The following PLXDC2 variants were observed in gnomAD, a reference collection of about 807,000 sequenced individuals.
The protein encoded by PLXDC2 is plexin domain containing 2.
A neutral mutation model predicts 68.9 loss-of-function variants in PLXDC2; 40 were observed. That is an observed-to-expected ratio of 0.58 (90% confidence interval 0.45 to 0.76). The LOEUF is 0.76. PLXDC2 is among the 30% of genes least tolerant of loss of function. PLXDC2 has a pLI of 0.00. For synonymous variants in PLXDC2, 243 were observed against 234.2 expected (o/e 1.04, Z -0.34); for missense variants, 644 against 661.9 (o/e 0.97, Z 0.30).
At position 20,168,972 on chromosome 10, in the gene PLXDC2, CCT is replaced by C. The variant is rs576430525; in HGVS notation, c.883+4406_883+4407del. 1.3e-3 allele frequency among the ~76,000 whole-genome samples: 202 copies of C among 152,100 alleles called. 1 individual carries two copies. The highest frequency in any genetic ancestry group is 4.7e-3 in the African/African-American group (194 of 41,536). ...CATTATGCTGTAAATTATTCTGCCC[CCT>C]GTTTTCACCTTCATATATAAAACAT... On this transcript the variant is annotated intron_variant, in intron 7 of 13. Coordinates refer to ENST00000377252, the MANE Select transcript of PLXDC2 (RefSeq NM_032812.9).
At chr10:19,927,200 C>T (rs1346575501) in intron 1 of PLXDC2, among the ~76,000 whole-genome samples, 1 of 152,118 alleles carries the variant, frequency 6.6e-6, no homozygotes, top group African/African-American at 2.4e-5. Flanking sequence ...AAATCAACCC[C>T]ACCTTGTGAA....
At position 20,164,539 on chromosome 10, in the gene PLXDC2, CGTT is replaced by C; in HGVS notation, c.858_860del (p.Val287del). 1.2e-6 allele frequency: 2 copies of C among 1,613,252 alleles called. No homozygotes were observed. Among genetic ancestry groups the C allele is most frequent in the Non-Finnish European group, 1.7e-6 (2 of 1,179,484 alleles). The stretch of plus-strand genomic sequence containing the variant: ...AAGTCGGACTGTCCGATGCATTTGT[CGTT>C]GTCCACAGGATCCAACAAATTCCCA... On this transcript the variant is annotated inframe_deletion, in exon 7 of 14. Coordinates refer to ENST00000377252, the MANE Select transcript of PLXDC2 (RefSeq NM_032812.9).
chr10:19,842,584 A>G (rs1836930184), intron 1 of PLXDC2, among the ~76,000 whole-genome samples: 1 of 152,152 alleles, frequency 6.6e-6, no homozygotes, highest in African/African-American at 2.4e-5. Context: ...GTCACAGCAT[A>G]ATGAACATCT....
intron 1 of PLXDC2, among the ~76,000 whole-genome samples, chr10:19,821,330 C>A (rs1316850735): frequency 6.6e-6 from 1 of 152,130 alleles, no homozygotes; most frequent in Non-Finnish European, 1.5e-5. Context: ...TCTCTAAGTG[C>A]GTCTCCATCC....
At chr10:20,007,972 A>G (rs536735957) in intron 2 of PLXDC2, among the ~76,000 whole-genome samples, 2 of 152,370 alleles carry the variant, frequency 1.3e-5, no homozygotes, top group South Asian at 2.1e-4. Flanking sequence ...AGTACAGTCA[A>G]GAATGATCAA....
chr10:20,154,563 C>CAAAA (rs368499790), intron 6 of PLXDC2, among the ~76,000 whole-genome samples: 1 of 136,268 alleles, frequency 7.3e-6, no homozygotes, highest in Non-Finnish European at 1.6e-5. Context: ...GACTCTGTCT[C>CAAAA]AAAAAAAAAA....
chr10:20,147,770 C>T lies in PLXDC2; in HGVS notation c.665-14C>T. The T allele has an allele frequency of 6.8e-7, 1 of 1,470,116 alleles. No individual in the cohort carries two copies. Among genetic ancestry groups the T allele is most frequent in the Non-Finnish European group, 9.4e-7 (1 of 1,066,624 alleles). The allele number at this position is 1,470,116 out of a possible 1,614,324, so 91.1% of individuals were successfully genotyped here. ...TTTCTCATTGCATTTCTTCTTTTTT[C>T]AATGGGTGTATAGGCACAGCACTTG... On this transcript the variant is annotated splice_polypyrimidine_tract_variant and intron_variant, in intron 5 of 13. Transcript: ENST00000377252.
At chr10:20,062,234 G>A (rs1289637430) in intron 3 of PLXDC2, among the ~76,000 whole-genome samples, 2 of 152,182 alleles carry the variant, frequency 1.3e-5, no homozygotes, top group African/African-American at 4.8e-5. Flanking sequence ...GGCCATCCTG[G>A]CCAGCATGGT....
intron 7 of PLXDC2, among the ~76,000 whole-genome samples, chr10:20,175,187 C>T (rs1368344853): frequency 6.6e-6 from 1 of 152,080 alleles, no homozygotes; most frequent in African/African-American, 2.4e-5. Flanking sequence ...TGAGCATTTA[C>T]AATGTGAAAG....
At chr10:19,986,435 A>G (rs546725011) in intron 1 of PLXDC2, among the ~76,000 whole-genome samples, 1 of 152,176 alleles carries the variant, frequency 6.6e-6, no homozygotes, top group Admixed American at 6.5e-5. Flanking sequence ...AATATTTTTG[A>G]CTTAATTTTA....
intron 1 of PLXDC2, among the ~76,000 whole-genome samples, chr10:19,869,358 A>C (rs1010440946): frequency 6.6e-6 from 1 of 151,428 alleles, no homozygotes; most frequent in African/African-American, 2.4e-5. Flanking sequence ...TGGGAGGCAG[A>C]GGTTGCAATG....
chr10:19,904,470 C>A (rs1838208668), intron 1 of PLXDC2, among the ~76,000 whole-genome samples: 1 of 152,132 alleles, frequency 6.6e-6, no homozygotes, highest in South Asian at 2.1e-4. Flanking sequence ...TCACTCCCAC[C>A]ATGCCCCAAC....
At chr10:20,095,009 A>G (rs1044129991) in intron 4 of PLXDC2, among the ~76,000 whole-genome samples, 4 of 152,230 alleles carry the variant, frequency 2.6e-5, no homozygotes, top group African/African-American at 4.8e-5. Context: ...TCTAATAGAA[A>G]TGTAATGTGG....
At position 20,280,532 on chromosome 10, in the gene PLXDC2, C is replaced by G. The variant is rs1836068643; in HGVS notation, c.*713C>G. The G allele has an allele frequency of 6.6e-6, 1 of 152,112 alleles. No homozygotes were observed. The highest frequency in any genetic ancestry group is 1.5e-5 in the Non-Finnish European group (1 of 68,038). 9.4% of individuals were successfully genotyped at this position (152,112 alleles called of 1,614,324 possible). A position where few individuals can be genotyped will look rare whatever the true frequency, so the allele number is the denominator to read the frequency against. On this transcript the variant is annotated 3_prime_UTR_variant, in exon 14 of 14. Transcript: ENST00000377252. ...TGTGACAAAATTTCCGAACAATTAACTAAGGATTTGGGAAGAGGGGGTGGC... is the reference window on the plus strand; with the variant it reads ...TGTGACAAAATTTCCGAACAATTAAGTAAGGATTTGGGAAGAGGGGGTGGC...
rs747835988 is a variant in PLXDC2 at position 20,284,312 on chromosome 10, C to CATATATATATATATATATAT, written c.*4512_*4513insTATATATATATATATATATA. 3.4e-4 allele frequency: 42 copies of CATATATATATATATATATAT among 125,278 alleles called. No homozygotes were observed. The highest frequency in any genetic ancestry group is 9.5e-4 in the African/African-American group (30 of 31,464). 7.8% of individuals were successfully genotyped at this position (125,278 alleles called of 1,614,324 possible). A position where few individuals can be genotyped will look rare whatever the true frequency, so the allele number is the denominator to read the frequency against. The stretch of plus-strand genomic sequence containing the variant: ...GTGAGACCCATCTCTATCAAATATA[C>CATATATATATATATATATAT]ATATATATATATATATATACACACA... On this transcript the variant is annotated 3_prime_UTR_variant, in exon 14 of 14. Transcript: ENST00000377252.
intron 13 of PLXDC2, among the ~76,000 whole-genome samples, chr10:20,275,410 G>C (rs1333309321): frequency 6.6e-6 from 1 of 152,114 alleles, no homozygotes; most frequent in Non-Finnish European, 1.5e-5. Flanking sequence ...GGCCAGGCAA[G>C]TTTGAGAAAC....
intron 13 of PLXDC2, among the ~76,000 whole-genome samples, chr10:20,246,132 G>A (rs1835591965): frequency 6.6e-6 from 1 of 152,214 alleles, no homozygotes. Context: ...TAAGTGTTAT[G>A]TCTTCATGTA....
At chr10:19,987,559 TTTG>T (rs138118623) in intron 1 of PLXDC2, among the ~76,000 whole-genome samples, 90,948 of 142,640 alleles carry the variant, frequency 0.64, 27,830 homozygotes, top group East Asian at 0.76. Flanking sequence ...TTGGTTTTGT[TTTG>T]TTTTTTTTTC....
chr10:19,862,502 C>A (rs1223907492), intron 1 of PLXDC2, among the ~76,000 whole-genome samples: 1 of 152,110 alleles, frequency 6.6e-6, no homozygotes, highest in Non-Finnish European at 1.5e-5. Context: ...AATAAGATAA[C>A]AGAATTGTGG....
Sources: gnomAD v4.1 joint callset for allele counts (sites outside exome capture counted in the v4.1 genomes callset) on GRCh38, gnomAD v4.1.1 for gene constraint, MANE v1.5 for transcripts, NCBI Gene and HGNC (gene_info 2026-07-23, HGNC 2026-07-21) for gene names.